PLXNC1: variants seen among roughly 807,000 people sequenced by gnomAD.
PLXNC1 encodes plexin C1, also known as plexin-C1.
A neutral mutation model predicts 178.2 loss-of-function variants in PLXNC1; 75 were observed. The observed-to-expected ratio is 0.42, with a 90% confidence interval of 0.35 to 0.51. PLXNC1 has a LOEUF of 0.51. Ranked by LOEUF, PLXNC1 falls within the 20% of genes least tolerant of loss-of-function variation. The probability of loss-of-function intolerance (pLI) is 0.02; values close to 1 mark genes in which losing one functional copy is unlikely to be tolerated. For synonymous variants in PLXNC1, 790 were observed against 779.9 expected (o/e 1.01, Z -0.22); for missense variants, 1,503 against 1,984.4 (o/e 0.76, Z 4.61).
At chr12:94,212,764 G>C (rs904950698) in intron 5 of PLXNC1, among the ~76,000 whole-genome samples, 2 of 146,622 alleles carry the variant, frequency 1.4e-5, no homozygotes, top group African/African-American at 5.1e-5. Flanking sequence ...CTGTCGCCCA[G>C]GCTGGAGTGC....
intron 1 of PLXNC1, among the ~76,000 whole-genome samples, chr12:94,151,832 T>G (rs1960970439): frequency 6.6e-6 from 1 of 152,222 alleles, no homozygotes; most frequent in African/African-American, 2.4e-5. Context: ...GCCAGCATCT[T>G]GAATGCACTC....
intron 4 of PLXNC1, 35 bp from the exon 5 acceptor site, chr12:94,209,555 T>G (rs1361267086): frequency 2.4e-6 from 3 of 1,237,408 alleles, no homozygotes; most frequent in Non-Finnish European, 3.6e-6. Context: ...CTAACACACG[T>G]ATGGGGTCGC....
At chr12:94,282,792 G>A in intron 23 of PLXNC1, 1 of 169,784 alleles carries the variant, frequency 5.9e-6, no homozygotes, top group Non-Finnish European at 1.3e-5. Flanking sequence ...AACATTCACA[G>A]TAGACCTTGT....
rs564432310 is a variant in PLXNC1 at position 94,160,541 on chromosome 12, T to C, written c.1063-8612T>C. Among the ~76,000 whole-genome samples, 44 of 152,308 alleles carry C rather than the reference T, an allele frequency of 2.9e-4. No individual in the cohort carries two copies. In the Middle Eastern group the frequency reaches 0.01, roughly 35 times the overall value. ...TCGCCCCTTGGTCTTCTCCTGAGGC[T>C]CCTTTCTCTATCATTGACCCCTTTT... On this transcript the variant is annotated intron_variant, in intron 1 of 30. Transcript: ENST00000258526.
intron 4 of PLXNC1, among the ~76,000 whole-genome samples, chr12:94,193,146 TG>T (rs1173550177): frequency 3.3e-5 from 5 of 152,098 alleles, no homozygotes; most frequent in African/African-American, 1.2e-4. Flanking sequence ...TGAAGCTCAG[TG>T]TGGACGAGCT....
rs1434690652 is a variant in PLXNC1 at position 94,306,842 on chromosome 12, A to C, written c.*1557A>C. On this transcript the variant is annotated 3_prime_UTR_variant, in exon 31 of 31. Coordinates refer to ENST00000258526, the MANE Select transcript of PLXNC1 (RefSeq NM_005761.3). ...TTACTACCCTGATAGGCACCTTCCC[A>C]ATCCTGTTGCTTTTGACCATTGTCT... 6.6e-6 allele frequency: 1 copy of C among 152,216 alleles called. No individual in the cohort carries two copies. The highest frequency in any genetic ancestry group is 1.9e-4 in the East Asian group (1 of 5,198). 9.4% of individuals were successfully genotyped at this position (152,216 alleles called of 1,614,324 possible).
intron 2 of PLXNC1, among the ~76,000 whole-genome samples, chr12:94,181,223 C>A (rs1396205232): frequency 6.6e-6 from 1 of 151,322 alleles, no homozygotes; most frequent in East Asian, 1.9e-4. Context: ...CGTAGTGAAA[C>A]CCCATCTCTA....
rs1182709329 is a variant in PLXNC1 at position 94,232,405 on chromosome 12, A to ATAGTC, written c.1980+5172_1980+5173insGTCTA. On this transcript the variant is annotated intron_variant, in intron 9 of 30. Transcript: ENST00000258526. The stretch of plus-strand genomic sequence containing the variant: ...CACCCGGCCCCTCCATCACTTTTGA[A>ATAGTC]TATGCATTTTTGATCTCTCACAGGC... Among the ~76,000 whole-genome samples the ATAGTC allele has an allele frequency of 8.5e-5, 13 of 152,204 alleles. No homozygotes were observed. In the South Asian group the frequency reaches 1.5e-3, roughly 17 times the overall value.
chr12:94,224,726 T>C (rs1963891319), intron 7 of PLXNC1, among the ~76,000 whole-genome samples: 1 of 151,954 alleles, frequency 6.6e-6, no homozygotes, highest in Non-Finnish European at 1.5e-5. Flanking sequence ...GGCAATATAG[T>C]GAGACGCCAT....
At chr12:94,166,377 A>T (rs895543322) in intron 1 of PLXNC1, among the ~76,000 whole-genome samples, 1 of 152,186 alleles carries the variant, frequency 6.6e-6, no homozygotes, top group Non-Finnish European at 1.5e-5. Flanking sequence ...ATTAAATCAC[A>T]TTTACAAAAT....
chr12:94,262,696 G>A lies in PLXNC1; in HGVS notation c.3450+1856G>A, dbSNP rs193200338. 2.0e-4 allele frequency: 193 copies of A among 985,448 alleles called. No homozygotes were observed. In the Middle Eastern group the frequency reaches 4.7e-3, roughly 24 times the overall value. 61.0% of individuals were successfully genotyped at this position (985,448 alleles called of 1,614,324 possible). ...GGTGCTCAAGGGGGTCTGGGACACC[G>A]ACAGCCCTAGTCCTCCTGTCCTACC... On this transcript the variant is annotated intron_variant, in intron 20 of 30. Coordinates refer to ENST00000258526, the MANE Select transcript of PLXNC1 (RefSeq NM_005761.3).
intron 28 of PLXNC1, among the ~76,000 whole-genome samples, chr12:94,301,621 C>T (rs911401281): frequency 5.3e-5 from 8 of 152,056 alleles, no homozygotes; most frequent in South Asian, 2.1e-4. Context: ...CTTATTTGAG[C>T]GCTCCAAAAT....
At chr12:94,285,747 G>C (rs951693318) in intron 23 of PLXNC1, among the ~76,000 whole-genome samples, 2 of 152,120 alleles carry the variant, frequency 1.3e-5, no homozygotes, top group Non-Finnish European at 2.9e-5. Flanking sequence ...TCAGTTCAGG[G>C]TTCTAGACCT....
intron 10 of PLXNC1, 112 bp downstream of exon 10, chr12:94,237,915 A>G (rs1229468428): frequency 9.8e-7 from 1 of 1,016,324 alleles, no homozygotes; most frequent in Non-Finnish European, 1.4e-6. Flanking sequence ...CCATGCCCCA[A>G]AGCAGGCCAA....
intron 21 of PLXNC1, 23 bp from the exon 22 acceptor site, chr12:94,279,449 G>A: frequency 1.3e-6 from 2 of 1,592,884 alleles, no homozygotes; most frequent in South Asian, 1.1e-5. Context: ...AATAGACTTG[G>A]AAACCTGTTT....
chr12:94,153,584 C>T (rs959683173), intron 1 of PLXNC1, among the ~76,000 whole-genome samples: 1 of 152,196 alleles, frequency 6.6e-6, no homozygotes, highest in Non-Finnish European at 1.5e-5. Context: ...TCTGATTGCT[C>T]CAGACTTGTT....
Position 94,306,458 on chromosome 12 carries a change from CTTTTTAGTGCTGATT to C in PLXNC1, c.*1178_*1192del, listed in dbSNP as rs1969029046. 6.6e-6 allele frequency: 1 copy of C among 152,102 alleles called. No homozygotes were observed. Among genetic ancestry groups the C allele is most frequent in the Non-Finnish European group, 1.5e-5 (1 of 68,012 alleles). The allele number at this position is 152,102 out of a possible 1,614,324, so 9.4% of individuals were successfully genotyped here. On this transcript the variant is annotated 3_prime_UTR_variant, in exon 31 of 31. Coordinates refer to ENST00000258526, the MANE Select transcript of PLXNC1 (RefSeq NM_005761.3). ...ATTCTCTATCCAGTTATACTGTAGT[CTTTTTAGTGCTGATT>C]TTTTAATTCCTGAATTTTTGCTGCT...
At chr12:94,213,809 C>A (rs1277074040) in intron 5 of PLXNC1, among the ~76,000 whole-genome samples, 2 of 151,488 alleles carry the variant, frequency 1.3e-5, no homozygotes, top group African/African-American at 4.8e-5. Flanking sequence ...GTCTTTAATC[C>A]ATCTTGAATT....
chr12:94,232,823 A>G (rs1964139932), intron 9 of PLXNC1, among the ~76,000 whole-genome samples: 1 of 152,192 alleles, frequency 6.6e-6, no homozygotes, highest in Non-Finnish European at 1.5e-5. Flanking sequence ...CTCACAATGG[A>G]CCTATTTTCC....
Sources: gnomAD v4.1 joint callset for allele counts (sites outside exome capture counted in the v4.1 genomes callset) on GRCh38, gnomAD v4.1.1 for gene constraint, MANE v1.5 for transcripts, NCBI Gene and HGNC (gene_info 2026-07-23, HGNC 2026-07-21) for gene names.